GRIN2A: variants seen among roughly 807,000 people sequenced by gnomAD.
GRIN2A encodes the protein glutamate receptor ionotropic, NMDA 2A.
A neutral mutation model predicts 113.4 loss-of-function variants in GRIN2A; 22 were observed. The observed-to-expected ratio is 0.19, with a 90% CI of 0.14 to 0.28. The LOEUF (loss-of-function observed/expected upper bound fraction) is 0.28, where lower values mean the gene tolerates loss of function less well. Ranked by LOEUF, GRIN2A falls within the 10% of genes least tolerant of loss-of-function variation. The probability of loss-of-function intolerance (pLI) is 1.00; values close to 1 mark genes in which losing one functional copy is unlikely to be tolerated. For missense variants in GRIN2A, 1,502 were observed against 1,887.0 expected (o/e 0.80, Z 3.78); for synonymous variants, 827 against 738.4 (o/e 1.12, Z -1.94).
intron 5 of GRIN2A, among the ~76,000 whole-genome samples, chr16:9,842,270 G>GAA (rs1567338919): frequency 2.8e-4 from 43 of 151,740 alleles, no homozygotes; most frequent in African/African-American, 9.7e-4. Flanking sequence ...AAAGAAAAAA[G>GAA]AAAAGAAAGA....
Position 9,786,146 on chromosome 16 carries a change from A to G in GRIN2A, c.2356+12131T>C, listed in dbSNP as rs180950526. ...TTTAGCAAGGAACAATAACTTTCTG[A>G]AATTCTGGAGATTATGCAGCTCCAA... is the stretch of plus-strand genomic sequence containing the variant. On this transcript the variant is annotated intron_variant, in intron 11 of 12. Transcript: ENST00000330684. 4.3e-4 allele frequency among the ~76,000 whole-genome samples: 65 copies of G among 152,330 alleles called. No individual in the cohort carries two copies. In the East Asian group the frequency reaches 0.011, roughly 25 times the overall value.
chr16:9,868,654 T>A (rs1322466285), intron 4 of GRIN2A, among the ~76,000 whole-genome samples: 1 of 152,116 alleles, frequency 6.6e-6, no homozygotes, highest in African/African-American at 2.4e-5. Context: ...GCAGCTGGAA[T>A]CAAGTGAAAA....
At chr16:9,926,601 G>C (rs144499886) in intron 3 of GRIN2A, among the ~76,000 whole-genome samples, 1 of 152,142 alleles carries the variant, frequency 6.6e-6, no homozygotes, top group African/African-American at 2.4e-5. Context: ...TAATCATCAA[G>C]TTCTTGTTTT....
intron 2 of GRIN2A, among the ~76,000 whole-genome samples, chr16:10,171,059 C>T (rs1432059246): frequency 1.3e-5 from 2 of 152,058 alleles, no homozygotes; most frequent in South Asian, 4.2e-4. Context: ...CATCTTAATC[C>T]TTTTAGTCAA....
chr16:10,176,551 C>G (rs7498576), intron 2 of GRIN2A, among the ~76,000 whole-genome samples: 88,615 of 151,878 alleles, frequency 0.58, 26,481 homozygotes, highest in Non-Finnish European at 0.65. Context: ...CCTTTGTAGG[C>G]ACACGGATGA....
At chr16:9,900,297 G>A (rs963264034) in intron 3 of GRIN2A, among the ~76,000 whole-genome samples, 8 of 152,182 alleles carry the variant, frequency 5.3e-5, no homozygotes, top group African/African-American at 1.7e-4. Flanking sequence ...ATTGTTCAGA[G>A]CTCACAGCAC....
At chr16:10,128,520 T>C (rs1266406010) in intron 2 of GRIN2A, among the ~76,000 whole-genome samples, 1 of 152,170 alleles carries the variant, frequency 6.6e-6, no homozygotes, top group Non-Finnish European at 1.5e-5. Context: ...AGATGCTCCA[T>C]TCACTGGAAC....
chr16:9,905,162 A>G (rs938097287), intron 3 of GRIN2A, among the ~76,000 whole-genome samples: 13 of 152,342 alleles, frequency 8.5e-5, no homozygotes, highest in African/African-American at 2.9e-4. Flanking sequence ...GTAAGTAAAA[A>G]TTGTGTGGTC....
intron 8 of GRIN2A, among the ~76,000 whole-genome samples, chr16:9,833,336 C>T (rs540082038): frequency 1.3e-4 from 20 of 152,198 alleles, no homozygotes; most frequent in African/African-American, 4.1e-4. Flanking sequence ...AAAATATAAC[C>T]CTATGGGGAA....
At chr16:10,013,810 G>T (rs2141875808) in intron 2 of GRIN2A, among the ~76,000 whole-genome samples, 1 of 152,250 alleles carries the variant, frequency 6.6e-6, no homozygotes, top group African/African-American at 2.4e-5. Flanking sequence ...GAGAAAAATT[G>T]CTTAAAGTGG....
At chr16:9,978,142 G>A (rs2045812911) in intron 2 of GRIN2A, among the ~76,000 whole-genome samples, 2 of 152,178 alleles carry the variant, frequency 1.3e-5, no homozygotes, top group Admixed American at 1.3e-4. Context: ...ACAGCATAAC[G>A]AAAGCACCAA....
At chr16:10,134,014 C>T (rs968006972) in intron 2 of GRIN2A, among the ~76,000 whole-genome samples, 1 of 151,514 alleles carries the variant, frequency 6.6e-6, no homozygotes, top group Admixed American at 6.6e-5. Flanking sequence ...GAAACCCCAC[C>T]TCTGAAAAAG....
chr16:10,149,162 C>T (rs996866069), intron 2 of GRIN2A, among the ~76,000 whole-genome samples: 1 of 152,130 alleles, frequency 6.6e-6, no homozygotes, highest in African/African-American at 2.4e-5. Flanking sequence ...TTTGAATGCA[C>T]AAGAGAGTGA....
intron 11 of GRIN2A, among the ~76,000 whole-genome samples, chr16:9,778,434 A>G (rs750894143): frequency 6.6e-6 from 1 of 152,232 alleles, no homozygotes; most frequent in Non-Finnish European, 1.5e-5. Context: ...TATTTTCTCA[A>G]TCAATAGTCC....
chr16:9,819,301 C>A (rs2042239104), intron 10 of GRIN2A, among the ~76,000 whole-genome samples: 1 of 151,964 alleles, frequency 6.6e-6, no homozygotes, highest in Admixed American at 6.6e-5. Flanking sequence ...AGGAGAATGG[C>A]TTGAGCCTTC....
At chr16:9,911,600 G>A (rs1040210877) in intron 3 of GRIN2A, among the ~76,000 whole-genome samples, 6 of 152,084 alleles carry the variant, frequency 3.9e-5, no homozygotes, top group African/African-American at 1.4e-4. Flanking sequence ...TGTATCCAGT[G>A]GCTCTCATTA....
intron 7 of GRIN2A, among the ~76,000 whole-genome samples, chr16:9,838,402 C>T (rs536696099): frequency 3.9e-5 from 6 of 152,248 alleles, no homozygotes; most frequent in African/African-American, 1.4e-4. Context: ...AACCTATGAG[C>T]CCATCAACTG....
chr16:9,997,477 T>C (rs1282979462), intron 2 of GRIN2A, among the ~76,000 whole-genome samples: 1 of 152,240 alleles, frequency 6.6e-6, no homozygotes, highest in Admixed American at 6.5e-5. Context: ...TTCATTTATA[T>C]ACACATATGA....
chr16:10,048,456 C>T (rs1364905143), intron 2 of GRIN2A, among the ~76,000 whole-genome samples: 2 of 152,192 alleles, frequency 1.3e-5, no homozygotes, highest in African/African-American at 4.8e-5. Flanking sequence ...AAGAAAACTT[C>T]TATTTGCCCA....
Sources: gnomAD v4.1 joint callset for allele counts (sites outside exome capture counted in the v4.1 genomes callset) on GRCh38, gnomAD v4.1.1 for gene constraint, MANE v1.5 for transcripts, NCBI Gene and HGNC (gene_info 2026-07-23, HGNC 2026-07-21) for gene names.